The following SPTB variants were observed in gnomAD, a reference collection of about 807,000 sequenced individuals.
SPTB encodes spectrin beta chain, erythrocytic.
A neutral mutation model predicts 256.2 loss-of-function variants in SPTB; 45 were observed. The ratio of observed to expected loss-of-function variants is 0.18; its 90% CI spans 0.14 to 0.23. The LOEUF is 0.23. Among genes scored for constraint, SPTB ranks in the 10% least tolerant of loss-of-function variants. SPTB has a pLI of 1.00. For missense variants in SPTB, 2,715 were observed against 3,040.4 expected (o/e 0.89, Z 2.52); for synonymous variants, 1,231 against 1,243.1 (o/e 0.99, Z 0.21).
chr14:64,831,875 T>C (rs966605102), intron 1 of SPTB, among the ~76,000 whole-genome samples: 2 of 152,230 alleles, frequency 1.3e-5, no homozygotes, highest in Admixed American at 6.5e-5. Flanking sequence ...TAACATCATT[T>C]ACATAATTAA....
At position 64,795,994 on chromosome 14, in the gene SPTB, A is replaced by G. The variant is rs907082831; in HGVS notation, c.1342-355T>C. The stretch of plus-strand genomic sequence containing the variant: ...GGAAGGGGCTGCTTCTCACTCGGAA[A>G]CCCATGCACCAGCAAACAGATGGTT... On this transcript the variant is annotated intron_variant, in intron 11 of 35. Coordinates refer to ENST00000644917, the MANE Select transcript of SPTB (RefSeq NM_001355436.2). This position sits in a 1 kb window ranked among gnomAD's most constrained non-coding sequence, Gnocchi z 6.5. 6.6e-6 allele frequency among the ~76,000 whole-genome samples: 1 copy of G among 152,068 alleles called. No homozygotes were observed. The highest frequency in any genetic ancestry group is 1.5e-5 in the Non-Finnish European group (1 of 68,000).
chr14:64,753,687 G>A lies in SPTB; in HGVS notation c.6452C>T (p.Pro2151Leu), dbSNP rs780895917. 11 of 1,613,708 alleles carry A rather than the reference G, an allele frequency of 6.8e-6. No individual in the cohort carries two copies. The South Asian group carries it at 1.2e-4, about 18-fold the overall frequency. Residue 2151 changes from proline (P) to leucine (L), a missense_variant, in exon 33 of 36, where the codon CCC becomes CTC. Pro to Leu is a moderately conservative substitution (Grantham distance 98). Coordinates refer to ENST00000644917, the MANE Select transcript of SPTB (RefSeq NM_001355436.2). ...STGDERPTTE[P>L]LFKVLDTPLS... ...AGGCGTATCTAGGACCTTAAAGAGG[G>A]GCTCCGTGGTGGGCCTCTCATCCCC...
At chr14:64,762,012 G>A (rs2082103159) in intron 32 of SPTB, among the ~76,000 whole-genome samples, 3 of 152,126 alleles carry the variant, frequency 2.0e-5, no homozygotes, top group Admixed American at 1.3e-4. Context: ...GAGGGGCCAG[G>A]AATATTAAAT....
Position 64,807,483 on chromosome 14 carries a change from T to G in SPTB, c.149-2393A>C, listed in dbSNP as rs774962044. On this transcript the variant is annotated intron_variant, in intron 2 of 35. Transcript: ENST00000644917. The surrounding 1 kb of genome is among the most constrained non-coding windows in gnomAD (Gnocchi z 4.7). ...CCTCAAACGTGGGAGCCACAGGTTT[T>G]GAGCACAGGCAGGTGGCCTCCTAGC... 6.6e-6 allele frequency among the ~76,000 whole-genome samples: 1 copy of G among 152,202 alleles called. No homozygotes were observed. Among genetic ancestry groups the G allele is most frequent in the Non-Finnish European group, 1.5e-5 (1 of 68,030 alleles).
In SPTB at chr14:64,779,594, G is replaced by C. The variant is rs1695764; in HGVS notation, c.4473+131C>G. On this transcript the variant is annotated intron_variant, in intron 21 of 35. Coordinates refer to ENST00000644917, the MANE Select transcript of SPTB (RefSeq NM_001355436.2). The surrounding 1 kb of genome is among the most constrained non-coding windows in gnomAD (Gnocchi z 4.2). ...TTTCCATTTAATGTAATCCTCACAA[G>C]AACCCTATGAGATAAGGGGTGAGGT... is the stretch of plus-strand genomic sequence containing the variant. 252,668 of 929,248 alleles carry C rather than the reference G, an allele frequency of 0.27. 40,312 individuals are homozygous for C. Among genetic ancestry groups the C allele is most frequent in the African/African-American group, 0.62 (38,141 of 61,894 alleles). 57.6% of individuals were successfully genotyped at this position (929,248 alleles called of 1,614,324 possible).
At chr14:64,828,492 T>G (rs1192329783) in intron 1 of SPTB, among the ~76,000 whole-genome samples, 1 of 152,176 alleles carries the variant, frequency 6.6e-6, no homozygotes, top group Non-Finnish European at 1.5e-5. Context: ...AGGGGAGAGA[T>G]GATACTCATA....
intron 1 of SPTB, among the ~76,000 whole-genome samples, chr14:64,858,102 T>C (rs935086131): frequency 2.6e-5 from 4 of 152,222 alleles, no homozygotes; most frequent in Non-Finnish European, 5.9e-5. Context: ...TAGCAAGTGT[T>C]AGAACCTGGA....
Position 64,749,798 on chromosome 14 carries a change from C to G in SPTB, c.6777-102G>C. On this transcript the variant is annotated intron_variant, in intron 34 of 35. Transcript: ENST00000644917. The surrounding 1 kb of genome is among the most constrained non-coding windows in gnomAD (Gnocchi z 4.7). ...CAATACCCTGAGCCGAACATCCAGA[C>G]CCCTCTCAGGCAGCCCAGCACTTTC... 8 of 1,522,920 alleles carry G rather than the reference C, an allele frequency of 5.3e-6. No individual in the cohort carries two copies. Among genetic ancestry groups the G allele is most frequent in the Non-Finnish European group, 7.2e-6 (8 of 1,112,096 alleles). The allele number at this position is 1,522,920 out of a possible 1,614,324, so 94.3% of individuals were successfully genotyped here.
chr14:64,868,852 T>A (rs148209363), intron 1 of SPTB, among the ~76,000 whole-genome samples: 107 of 152,318 alleles, frequency 7.0e-4, no homozygotes, highest in African/African-American at 2.5e-3. Context: ...AGCATCTCCA[T>A]CCTTAGATGT....
intron 26 of SPTB, among the ~76,000 whole-genome samples, chr14:64,771,991 C>T (rs970379984): frequency 2.6e-5 from 4 of 152,194 alleles, no homozygotes; most frequent in Admixed American, 6.5e-5. Flanking sequence ...GGGCACCCTA[C>T]GGATCTGCGG....
Position 64,787,180 on chromosome 14 carries a change from C to G in SPTB, c.2805-20G>C, listed in dbSNP as rs567541931. ...TGCCACCTGCCGGATGGGGACACAG[C>G]CCGGAGGAGAGAGACACCTTCTCCC... On this transcript the variant is annotated intron_variant, in intron 15 of 35. Coordinates refer to ENST00000644917, the MANE Select transcript of SPTB (RefSeq NM_001355436.2). 6 of 1,601,440 alleles carry G rather than the reference C, an allele frequency of 3.7e-6. No individual in the cohort carries two copies. The South Asian group carries it at 4.4e-5, about 12-fold the overall frequency.
intron 1 of SPTB, among the ~76,000 whole-genome samples, chr14:64,830,810 T>C (rs1009662096): frequency 6.6e-6 from 1 of 152,088 alleles, no homozygotes; most frequent in Non-Finnish European, 1.5e-5. Flanking sequence ...CACACTCTCT[T>C]TTATGTGAAC....
In SPTB at chr14:64,795,256, G is replaced by C; in HGVS notation, c.1644+81C>G. ...ATATGACTGGCTGGGAGGTGTCTAA[G>C]GAAGCCTATGCTAACTGCAGGGCCA... is the stretch of plus-strand genomic sequence containing the variant. On this transcript the variant is annotated intron_variant, in intron 12 of 35. Coordinates refer to ENST00000644917, the MANE Select transcript of SPTB (RefSeq NM_001355436.2). The surrounding 1 kb of genome is among the most constrained non-coding windows in gnomAD (Gnocchi z 6.5). 5.2e-6 allele frequency: 8 copies of C among 1,525,098 alleles called. No homozygotes were observed. Among genetic ancestry groups the C allele is most frequent in the Non-Finnish European group, 7.1e-6 (8 of 1,121,660 alleles). The allele number at this position is 1,525,098 out of a possible 1,614,324, so 94.5% of individuals were successfully genotyped here.
In SPTB at chr14:64,769,706, G is replaced by A. The variant is rs2082249278; in HGVS notation, c.5821C>T (p.Leu1941Phe). Reference protein sequence around the residue: ...RPRDVSSVELLMKYHQGINAE... With the variant: ...RPRDVSSVELFMKYHQGINAE... ...TTGATGCCCTGGTGATACTTCATGA[G>A]CAGTTCCACAGAGGAGACATCCCTG... Residue 1941 changes from leucine to phenylalanine, a missense_variant, in exon 28 of 36, where the codon CTC becomes TTC. Physicochemically the swap from Leu to Phe is conservative, Grantham distance 22. This residue lies in a region of SPTB where 2,239 missense variants were observed against 2,384.4 expected (regional missense o/e 0.94). Transcript: ENST00000644917. The A allele has an allele frequency of 6.2e-7, 1 of 1,614,084 alleles. No individual in the cohort carries two copies. Among genetic ancestry groups the A allele is most frequent in the Non-Finnish European group, 8.5e-7 (1 of 1,180,048 alleles).
At position 64,758,691 on chromosome 14, in the gene SPTB, C is replaced by T. The variant is rs2082050971; in HGVS notation, c.6346-4898G>A. 6.6e-6 allele frequency among the ~76,000 whole-genome samples: 1 copy of T among 152,218 alleles called. No homozygotes were observed. Among genetic ancestry groups the T allele is most frequent in the African/African-American group, 2.4e-5 (1 of 41,458 alleles). Reference sequence around the variant, plus strand: ...CAGAACCATTTTTTAAATAGTTACTCTTGGGGTTCCCATCTGCCCAGGGAA... The same window carrying T: ...CAGAACCATTTTTTAAATAGTTACTTTTGGGGTTCCCATCTGCCCAGGGAA... On this transcript the variant is annotated intron_variant, in intron 32 of 35. Transcript: ENST00000644917. The surrounding 1 kb of genome is among the most constrained non-coding windows in gnomAD (Gnocchi z 4.6).
chr14:64,818,848 C>T (rs1301383517), intron 2 of SPTB, among the ~76,000 whole-genome samples: 2 of 152,176 alleles, frequency 1.3e-5, no homozygotes, highest in East Asian at 1.9e-4. Flanking sequence ...GGAACTTGGG[C>T]TTTTCAGCTG....
intron 2 of SPTB, among the ~76,000 whole-genome samples, chr14:64,820,663 C>T (rs941735939): frequency 6.6e-6 from 1 of 152,192 alleles, no homozygotes; most frequent in African/African-American, 2.4e-5. Context: ...AAGGCTCTTT[C>T]CTGATCAACC....
rs2139485899 is a variant in SPTB, at chr14:64,769,097, C to T, written c.5959G>A (p.Val1987Met). Residue 1987 changes from valine (V) to methionine (M), a missense_variant, in exon 29 of 36, where the codon GTG becomes ATG. Transcript: ENST00000644917. ...TTCATCTCTTTCCTCCTGGACATCACCTGCTGCAGTTTCTCGCGGATCTAT... is the reference window on the plus strand; with the variant it reads ...TTCATCTCTTTCCTCCTGGACATCATCTGCTGCAGTTTCTCGCGGATCTAT... ...SEEIREKLQQ[V>M]MSRRKEMNEK... The T allele has an allele frequency of 1.2e-6, 2 of 1,613,916 alleles. No individual in the cohort carries two copies. Among genetic ancestry groups the T allele is most frequent in the East Asian group, 2.2e-5 (1 of 44,862 alleles).
Position 64,782,379 on chromosome 14 carries a change from T to C in SPTB, c.4177A>G (p.Lys1393Glu). ...LRLQTHADLNKWISAMEDQLR... is the reference protein window; with the variant it reads ...LRLQTHADLNEWISAMEDQLR... Reference sequence around the variant, plus strand: ...TGGTCCTCCATGGCGCTGATCCACTTGTTGAGGTCAGCATGGGTCTGCAAG... The same window carrying C: ...TGGTCCTCCATGGCGCTGATCCACTCGTTGAGGTCAGCATGGGTCTGCAAG... The change falls in exon 20 of 36, where the codon AAG (lysine) becomes GAG (glutamate). Residue 1393 changes from lysine to glutamate, a missense_variant. Physicochemically the swap from Lys to Glu is moderately conservative, Grantham distance 56. Transcript: ENST00000644917. The C allele has an allele frequency of 1.2e-6, 2 of 1,614,148 alleles. No homozygotes were observed. Among genetic ancestry groups the C allele is most frequent in the Non-Finnish European group, 1.7e-6 (2 of 1,180,042 alleles).
Sources: allele counts gnomAD v4.1 joint callset (sites outside exome capture counted in the v4.1 genomes callset), GRCh38; gene constraint gnomAD v4.1.1; regional missense constraint gnomAD v4.1.1; non-coding constraint Gnocchi (gnomAD v3.1); transcripts MANE v1.5; gene names NCBI Gene and HGNC (gene_info 2026-07-23, HGNC 2026-07-21).